Variants in XPR1 observed in about 807,000 individuals in gnomAD.
The protein encoded by XPR1 is solute carrier family 53 member 1.
In XPR1, 28 loss-of-function variants were observed where a neutral mutation model predicts 87.5. The observed-to-expected ratio is 0.32, with a 90% CI of 0.24 to 0.44. The LOEUF is 0.44. XPR1 is among the 20% of genes least tolerant of loss of function. The pLI, the probability that XPR1 is intolerant of heterozygous loss-of-function variation, is 1.00. For missense variants in XPR1, 559 were observed against 862.3 expected, an observed-to-expected ratio of 0.65 and a Z score of 4.41; for synonymous variants, 300 against 306.1, an observed-to-expected ratio of 0.98 and a Z score of 0.21.
In XPR1 at chr1:180,836,515, T is replaced by G; in HGVS notation, c.1307-7T>G. Reference sequence around the variant, plus strand: ...ATGGTAATTTTTCTTCTTTGAAATCTTCACAGAATCAGGAATTTGCCACAA... The same window carrying G: ...ATGGTAATTTTTCTTCTTTGAAATCGTCACAGAATCAGGAATTTGCCACAA... On this transcript the variant is annotated splice_polypyrimidine_tract_variant and splice_region_variant and intron_variant, in intron 10 of 14. Transcript: ENST00000367590. 2 of 1,613,966 alleles carry G rather than the reference T, an allele frequency of 1.2e-6. No individual in the cohort carries two copies. Among genetic ancestry groups the G allele is most frequent in the Non-Finnish European group, 1.7e-6 (2 of 1,180,002 alleles).
chr1:180,815,991 A>G (rs903983571), intron 7 of XPR1, among the ~76,000 whole-genome samples: 5 of 152,208 alleles, frequency 3.3e-5, no homozygotes, highest in African/African-American at 1.2e-4. Flanking sequence ...TATAGTAGAA[A>G]AATCCTAGAA....
intron 10 of XPR1, among the ~76,000 whole-genome samples, chr1:180,835,892 C>T (rs919845323): frequency 1.4e-4 from 22 of 152,186 alleles, no homozygotes; most frequent in African/African-American, 3.6e-4. Context: ...AGAGCCAACC[C>T]GTTTTTTCCT....
At chr1:180,709,026 C>T (rs1657661957) in intron 2 of XPR1, among the ~76,000 whole-genome samples, 1 of 151,764 alleles carries the variant, frequency 6.6e-6, no homozygotes, top group Admixed American at 6.6e-5. Context: ...GTTCTCCTGC[C>T]TCAGCCTCCT....
intron 13 of XPR1, among the ~76,000 whole-genome samples, chr1:180,878,485 A>T (rs983893850): frequency 6.6e-6 from 1 of 152,226 alleles, no homozygotes; most frequent in African/African-American, 2.4e-5. Flanking sequence ...ATAATATTGT[A>T]GTGCCTACTA....
At chr1:180,824,474 G>A (rs1346239115) in intron 7 of XPR1, among the ~76,000 whole-genome samples, 2 of 152,060 alleles carry the variant, frequency 1.3e-5, no homozygotes, top group African/African-American at 2.4e-5. Flanking sequence ...CCAGTTACTC[G>A]GGAGACTGAG....
chr1:180,735,031 A>G (rs529082338), intron 2 of XPR1, among the ~76,000 whole-genome samples: 1 of 152,342 alleles, frequency 6.6e-6, no homozygotes, highest in Non-Finnish European at 1.5e-5. Context: ...AATAAAAATT[A>G]GTTCTCTTGA....
At chr1:180,705,452 T>G (rs1398687369) in intron 2 of XPR1, among the ~76,000 whole-genome samples, 1 of 152,238 alleles carries the variant, frequency 6.6e-6, no homozygotes, top group Non-Finnish European at 1.5e-5. Context: ...AACAAAGTGT[T>G]GGAAATGTAG....
intron 3 of XPR1, among the ~76,000 whole-genome samples, chr1:180,803,019 A>G (rs946775681): frequency 6.6e-5 from 10 of 152,102 alleles, no homozygotes; most frequent in African/African-American, 2.2e-4. Context: ...TCCTGTGAGC[A>G]TATGTTTTCA....
chr1:180,721,911 C>T (rs1453564103), intron 2 of XPR1, among the ~76,000 whole-genome samples: 1 of 152,062 alleles, frequency 6.6e-6, no homozygotes, highest in East Asian at 1.9e-4. Flanking sequence ...GTTTATGTTA[C>T]TACTAAGGCT....
chr1:180,632,733 C>T (rs1654633661), intron 1 of XPR1, among the ~76,000 whole-genome samples: 1 of 152,390 alleles, frequency 6.6e-6, no homozygotes, highest in Admixed American at 6.5e-5. Flanking sequence ...GAATCCTTGT[C>T]TTCCAAGAGA....
At chr1:180,783,992 T>A (rs1444668942) in intron 2 of XPR1, among the ~76,000 whole-genome samples, 1 of 151,882 alleles carries the variant, frequency 6.6e-6, no homozygotes, top group African/African-American at 2.4e-5. Context: ...AAGGTGTAGG[T>A]TGCAGTGAGC....
rs116297983 is a variant in XPR1, at chr1:180,667,274, A to G, written c.70-15086A>G. 4.2e-3 allele frequency among the ~76,000 whole-genome samples: 646 copies of G among 152,224 alleles called. 10 individuals carry two copies. The highest frequency in any genetic ancestry group is 0.015 in the African/African-American group (625 of 41,532). ...AGATATGGCTTTATTATCTTGAGGT[A>G]GTTTCTATACCTAGTCTTTTGAATT... On this transcript the variant is annotated intron_variant, in intron 1 of 14. Transcript: ENST00000367590.
chr1:180,665,512 C>T (rs1442420192), intron 1 of XPR1, among the ~76,000 whole-genome samples: 1 of 152,158 alleles, frequency 6.6e-6, no homozygotes, highest in Non-Finnish European at 1.5e-5. Flanking sequence ...GCACTTTAGC[C>T]CTTGGTGGAA....
chr1:180,653,545 G>A (rs1350552618), intron 1 of XPR1, among the ~76,000 whole-genome samples: 1 of 151,942 alleles, frequency 6.6e-6, no homozygotes, highest in African/African-American at 2.4e-5. Flanking sequence ...TATCCACAGG[G>A]GATACATTCC....
intron 1 of XPR1, among the ~76,000 whole-genome samples, chr1:180,663,043 T>C (rs984350212): frequency 2.6e-5 from 4 of 152,236 alleles, no homozygotes; most frequent in African/African-American, 7.2e-5. Context: ...TGCTTTATCT[T>C]GAATTTCTTG....
chr1:180,745,594 G>GT (rs1659065989), intron 2 of XPR1, among the ~76,000 whole-genome samples: 1 of 152,114 alleles, frequency 6.6e-6, no homozygotes. Flanking sequence ...AAGAAGAAAA[G>GT]GGGGGGATGT....
At chr1:180,766,980 G>T (rs147593700) in intron 2 of XPR1, among the ~76,000 whole-genome samples, 1 of 152,260 alleles carries the variant, frequency 6.6e-6, no homozygotes, top group African/African-American at 2.4e-5. Flanking sequence ...ACTTCTGATG[G>T]TGAAGCTATA....
At chr1:180,658,073 T>A (rs906445125) in intron 1 of XPR1, among the ~76,000 whole-genome samples, 1 of 152,224 alleles carries the variant, frequency 6.6e-6, no homozygotes, top group African/African-American at 2.4e-5. Context: ...GCTTTCTTGA[T>A]TTCTTTTTCA....
At chr1:180,643,611 G>A (rs1298382973) in intron 1 of XPR1, among the ~76,000 whole-genome samples, 2 of 152,118 alleles carry the variant, frequency 1.3e-5, no homozygotes, top group Non-Finnish European at 2.9e-5. Flanking sequence ...TAGGTGTTTA[G>A]CCCATTTTAT....
Sources: gnomAD v4.1 joint callset for allele counts (sites outside exome capture counted in the v4.1 genomes callset) on GRCh38, gnomAD v4.1.1 for gene constraint, MANE v1.5 for transcripts, NCBI Gene and HGNC (gene_info 2026-07-23, HGNC 2026-07-21) for gene names.